Variants in ABCB10 observed in about 807,000 individuals in gnomAD.
ABCB10 encodes the protein ATP binding cassette subfamily B member 10.
Under a neutral mutation model 65.4 loss-of-function variants are expected in ABCB10, and 54 were observed. That is an observed-to-expected ratio of 0.83 (90% CI 0.66 to 1.04). The LOEUF is 1.04. ABCB10 is among the 50% of genes least tolerant of loss of function. The pLI, the probability that ABCB10 is intolerant of heterozygous loss-of-function variation, is 0.00. For synonymous variants in ABCB10, 418 were observed against 406.5 expected, an observed-to-expected ratio of 1.03 and a Z score of -0.34; for missense variants, 846 against 976.6, an observed-to-expected ratio of 0.87 and a Z score of 1.78.
chr1:229,546,770 G>T (rs1469322238), intron 3 of ABCB10, among the ~76,000 whole-genome samples: 2 of 152,094 alleles, frequency 1.3e-5, no homozygotes, highest in East Asian at 3.9e-4. Context: ...TGTAGTCCCA[G>T]ATACTTGGGA....
rs376861502 is a variant in ABCB10 at position 229,542,314 on chromosome 1, T to C, written c.979A>G (p.Ile327Val). Reference protein sequence around the residue: ...FVLSVVPPVSIIAVIYGRYLR... With the variant: ...FVLSVVPPVSVIAVIYGRYLR... Reference sequence around the variant, plus strand: ...TATCGCCCATAAATTACAGCAATGATTGACACTGGAGGCACCACGCTCAAA... The same window carrying C: ...TATCGCCCATAAATTACAGCAATGACTGACACTGGAGGCACCACGCTCAAA... Residue 327 changes from isoleucine (I) to valine (V), a missense_variant, in exon 4 of 13, where the codon ATC (isoleucine) becomes GTC (valine). This residue lies in a region of ABCB10 where 632 missense variants were observed against 803.2 expected (regional missense o/e 0.79). Transcript: ENST00000344517. 7 of 1,613,928 alleles carry C rather than the reference T, an allele frequency of 4.3e-6. 1 individual carries two copies. In the South Asian group the frequency reaches 5.5e-5, roughly 13 times the overall value.
chr1:229,558,000 C>CG (rs1276548740), intron 1 of ABCB10, 136 bp downstream of exon 1: 9 of 973,480 alleles, frequency 9.2e-6, no homozygotes, highest in Non-Finnish European at 4.0e-6. Context: ...CTCCCTCCTC[C>CG]GGGGTTAGGA....
intron 6 of ABCB10, among the ~76,000 whole-genome samples, chr1:229,533,862 C>A (rs753465240): frequency 2.6e-5 from 4 of 152,026 alleles, no homozygotes; most frequent in Non-Finnish European, 4.4e-5. Flanking sequence ...GTGTAGATGA[C>A]CTTGAATTTG....
intron 3 of ABCB10, 56 bp downstream of exon 3, chr1:229,547,443 C>T: frequency 1.3e-6 from 2 of 1,593,556 alleles, no homozygotes; most frequent in Non-Finnish European, 1.7e-6. Flanking sequence ...ACGTGAGAGG[C>T]CTGGTGCAAG....
chr1:229,520,145 A>T (rs10916504), intron 11 of ABCB10, among the ~76,000 whole-genome samples: 28,631 of 151,838 alleles, frequency 0.19, 2,907 homozygotes, highest in Middle Eastern at 0.27. Flanking sequence ...ATTTAAAAAT[A>T]AAATTAAATT....
chr1:229,532,881 T>C (rs570929511), intron 6 of ABCB10, among the ~76,000 whole-genome samples: 2 of 152,346 alleles, frequency 1.3e-5, no homozygotes, highest in East Asian at 3.9e-4. Context: ...AGCGAGACCC[T>C]GTCTCAAAAC....
intron 5 of ABCB10, 131 bp downstream of exon 5, chr1:229,540,475 T>G (rs1364361071): frequency 1.1e-6 from 1 of 935,302 alleles, no homozygotes; most frequent in Non-Finnish European, 1.5e-6. Context: ...AGAAAGTCAT[T>G]CTTGGCCTTG....
At position 229,558,428 on chromosome 1, in the gene ABCB10, C is replaced by CCCGCCCCGGCAG; in HGVS notation, c.213_224dup (p.Cys72_Gly75dup). ...GGACGCCCCGCGAGGCGCCCGGACC[C>CCCGCCCCGGCAG]CCGCCCCGGCAGCCGCTCCTCCAGC... is the stretch of plus-strand genomic sequence containing the variant. On this transcript the variant is annotated inframe_insertion, in exon 1 of 13. Coordinates refer to ENST00000344517, the MANE Select transcript of ABCB10 (RefSeq NM_012089.3). 1 of 1,207,558 alleles carries CCCGCCCCGGCAG rather than the reference C, an allele frequency of 8.3e-7. No homozygotes were observed. The highest frequency in any genetic ancestry group is 1.0e-6 in the Non-Finnish European group (1 of 975,486). 74.8% of individuals were successfully genotyped at this position (1,207,558 alleles called of 1,614,324 possible).
intron 3 of ABCB10, among the ~76,000 whole-genome samples, chr1:229,544,416 C>CAAAAAAAAAAAAAAAAAAAAAAAAA (rs35004821): frequency 1.6e-5 from 1 of 60,994 alleles, no homozygotes; most frequent in Non-Finnish European, 3.0e-5. Flanking sequence ...GACCTTCTCT[C>CAAAAAAAAAAAAAAAAAAAAAAAAA]AAAAAAAAAA....
chr1:229,546,978 G>A (rs1460262479), intron 3 of ABCB10, among the ~76,000 whole-genome samples: 1 of 152,146 alleles, frequency 6.6e-6, no homozygotes, highest in Admixed American at 6.5e-5. Flanking sequence ...TATGTGGCTT[G>A]CATTGCCTCT....
In ABCB10 at chr1:229,549,337, C is replaced by T. The variant is rs376707815; in HGVS notation, c.615G>A (p.Val205=). The part of the protein sequence containing the change: ...IIDVIYTNPT[V]DYSDNLTRLC... ...GGCGGGTCAGGTTGTCGCTGTAGTCCACAGTGGGGTTGGTATAGATGACAT... is the reference window on the plus strand; with the variant it reads ...GGCGGGTCAGGTTGTCGCTGTAGTCTACAGTGGGGTTGGTATAGATGACAT... Residue 205 remains valine (V), a synonymous_variant, in exon 2 of 13, where the codon GTG becomes GTA. Coordinates refer to ENST00000344517, the MANE Select transcript of ABCB10 (RefSeq NM_012089.3). The T allele has an allele frequency of 3.7e-5, 59 of 1,614,018 alleles. No homozygotes were observed. The highest frequency in any genetic ancestry group is 1.7e-5 in the Non-Finnish European group (20 of 1,180,034).
intron 6 of ABCB10, among the ~76,000 whole-genome samples, chr1:229,538,010 C>A (rs1462183909): frequency 1.3e-5 from 2 of 152,306 alleles, no homozygotes; most frequent in African/African-American, 4.8e-5. Flanking sequence ...CCTCCTCGCA[C>A]CAGATGGCAG....
chr1:229,530,836 T>A (rs1007063859), intron 7 of ABCB10, among the ~76,000 whole-genome samples: 3 of 152,164 alleles, frequency 2.0e-5, no homozygotes, highest in Non-Finnish European at 4.4e-5. Flanking sequence ...CTACCCGGAA[T>A]AAATATTTTG....
At chr1:229,531,889 C>A in intron 6 of ABCB10, 158 bp from the exon 7 acceptor site, 1 of 433,620 alleles carries the variant, frequency 2.3e-6, no homozygotes, top group Non-Finnish European at 4.1e-6. Context: ...AACTGATACT[C>A]AGAATTGCTT....
chr1:229,541,862 C>T (rs1459353927), intron 4 of ABCB10, among the ~76,000 whole-genome samples: 1 of 150,908 alleles, frequency 6.6e-6, no homozygotes, highest in African/African-American at 2.4e-5. Flanking sequence ...TCACTCGAGC[C>T]TGGGAGGTTA....
At position 229,516,915 on chromosome 1, in the gene ABCB10, G is replaced by T. The variant is rs1662189588; in HGVS notation, c.*1264C>A. On this transcript the variant is annotated 3_prime_UTR_variant, in exon 13 of 13. Coordinates refer to ENST00000344517, the MANE Select transcript of ABCB10 (RefSeq NM_012089.3). Reference sequence around the variant, plus strand: ...ATTCCATGCTTTTCATGAAATAGTGGTTTCTTCTTCCAGTCTAATCAGGGA... The same window carrying T: ...ATTCCATGCTTTTCATGAAATAGTGTTTTCTTCTTCCAGTCTAATCAGGGA... 2 of 152,098 alleles carry T rather than the reference G, an allele frequency of 1.3e-5. No homozygotes were observed. 9.4% of individuals were successfully genotyped at this position (152,098 alleles called of 1,614,324 possible).
In ABCB10 at chr1:229,547,434, C is replaced by T. The variant is rs1662995676; in HGVS notation, c.921+65G>A. Reference sequence around the variant, plus strand: ...CCGCTCAGCTTGAGCTCGTCTCACACGTGAGAGGCCTGGTGCAAGCCAAGC... The same window carrying T: ...CCGCTCAGCTTGAGCTCGTCTCACATGTGAGAGGCCTGGTGCAAGCCAAGC... On this transcript the variant is annotated intron_variant, in intron 3 of 12. Transcript: ENST00000344517. 4 of 1,568,408 alleles carry T rather than the reference C, an allele frequency of 2.6e-6. No individual in the cohort carries two copies. The South Asian group carries it at 3.4e-5, about 13-fold the overall frequency.
rs1026620747 is a variant in ABCB10, at chr1:229,542,217, G to A, written c.1056+20C>T. On this transcript the variant is annotated intron_variant, in intron 4 of 12. Transcript: ENST00000344517. ...GACCCCATTCTGCTGGAAACCACGC[G>A]GACAGGAAGGGGCCTTTACCTGAGT... The A allele has an allele frequency of 9.3e-6, 15 of 1,611,990 alleles. No homozygotes were observed. Among genetic ancestry groups the A allele is most frequent in the South Asian group, 2.2e-5 (2 of 90,806 alleles).
intron 1 of ABCB10, chr1:229,549,925 AACG>A: frequency 1.3e-5 from 2 of 157,130 alleles, no homozygotes; most frequent in South Asian, 1.9e-4. Flanking sequence ...ATACACTCTG[AACG>A]CACCCAATCT....
Sources: allele counts gnomAD v4.1 joint callset (sites outside exome capture counted in the v4.1 genomes callset), GRCh38; gene constraint gnomAD v4.1.1; regional missense constraint gnomAD v4.1.1; transcripts MANE v1.5; gene names NCBI Gene and HGNC (gene_info 2026-07-23, HGNC 2026-07-21).